NUP214: variants seen among roughly 807,000 people sequenced by gnomAD.
NUP214 encodes nucleoporin 214, also known as nuclear pore complex protein Nup214.
In NUP214, 79 loss-of-function variants were observed where a neutral mutation model predicts 196.2. That is an observed-to-expected ratio of 0.40 (90% CI 0.34 to 0.49). The LOEUF (loss-of-function observed/expected upper bound fraction) is 0.49. NUP214 is among the 20% of genes least tolerant of loss of function. The pLI is 0.58. For synonymous variants in NUP214, 1,020 were observed against 990.5 expected (o/e 1.03, Z -0.56); for missense variants, 2,468 against 2,539.0 (o/e 0.97, Z 0.60).
chr9:131,132,123 T>TC (rs1831568728), intron 5 of NUP214, among the ~76,000 whole-genome samples: 1 of 144,652 alleles, frequency 6.9e-6, no homozygotes, highest in South Asian at 2.2e-4. Flanking sequence ...TTCTTTCTTT[T>TC]TTTTTTTTTT....
intron 9 of NUP214, 28 bp downstream of exon 9, chr9:131,136,034 G>A (rs759976225): frequency 1.9e-6 from 3 of 1,547,832 alleles, no homozygotes; most frequent in African/African-American, 2.7e-5. Flanking sequence ...CACTTCTGTG[G>A]TGCTTTCTTT....
rs189970691 is a variant in NUP214 at position 131,181,681 on chromosome 9, T to C, written c.3419+3271T>C. On this transcript the variant is annotated intron_variant, in intron 24 of 35. Coordinates refer to ENST00000359428, the MANE Select transcript of NUP214 (RefSeq NM_005085.4). ...TGCTCCATTTTAAAATTAGGTTGTCTTTTTATTTTTGAGCTCTAAGTTTCT... is the reference window on the plus strand; with the variant it reads ...TGCTCCATTTTAAAATTAGGTTGTCCTTTTATTTTTGAGCTCTAAGTTTCT... Among the ~76,000 whole-genome samples the C allele has an allele frequency of 2.0e-3, 303 of 152,356 alleles. 1 individual carries two copies. The highest frequency in any genetic ancestry group is 6.7e-3 in the African/African-American group (277 of 41,574).
At position 131,132,608 on chromosome 9, in the gene NUP214, A is replaced by C; in HGVS notation, c.676A>C (p.Lys226Gln). The C allele has an allele frequency of 1.2e-6, 2 of 1,614,094 alleles. No homozygotes were observed. The highest frequency in any genetic ancestry group is 1.7e-6 in the Non-Finnish European group (2 of 1,179,962). Residue 226 changes from lysine (K) to glutamine (Q), a missense_variant, in exon 6 of 36, where the codon AAA becomes CAA. By Grantham distance (53) the Lys-to-Gln change is moderately conservative. Coordinates refer to ENST00000359428, the MANE Select transcript of NUP214 (RefSeq NM_005085.4). ...AAATCTCTTTCAGACTTTGCAGGAA[A>C]AAAAAGTCATTCCTTGTCCTCCGTT... is the stretch of plus-strand genomic sequence containing the variant. ...VVQYLPTLQEKKVIPCPPFYE... is the reference protein window; with the variant it reads ...VVQYLPTLQEQKVIPCPPFYE...
chr9:131,168,395 A>G (rs1194891860), intron 21 of NUP214, among the ~76,000 whole-genome samples: 2 of 152,214 alleles, frequency 1.3e-5, no homozygotes, highest in Non-Finnish European at 2.9e-5. Context: ...TATAAAACTC[A>G]CCTGCTGGTA....
intron 24 of NUP214, 25 bp from the exon 25 acceptor site, chr9:131,187,264 A>G (rs928206762): frequency 1.9e-6 from 3 of 1,601,646 alleles, no homozygotes; most frequent in Non-Finnish European, 2.6e-6. Context: ...CCTTTCTCTG[A>G]GTGTATGCTT....
intron 21 of NUP214, among the ~76,000 whole-genome samples, chr9:131,168,305 G>T (rs1832845328): frequency 2.0e-5 from 3 of 152,196 alleles, no homozygotes; most frequent in South Asian, 4.1e-4. Context: ...ATGAAAGTAG[G>T]TATGCACCTT....
chr9:131,150,689 C>G lies in NUP214; in HGVS notation c.2201C>G (p.Ser734Cys), dbSNP rs753957222. The change falls in exon 16 of 36, where the codon TCT (serine) becomes TGT (cysteine). Residue 734 changes from serine to cysteine, a missense_variant. Physicochemically the swap from Ser to Cys is moderately radical, Grantham distance 112. Around this residue, in one of 5 missense-constraint regions of NUP214, gnomAD observed 1,801 missense variants for 1,779.4 expected, o/e 1.01. Transcript: ENST00000359428. ...AAAGCCTGTTTCCAAGTGGGCACTT[C>G]TGAGGAGATGAAGATGCTGCGAACA... is the stretch of plus-strand genomic sequence containing the variant. ...TSKACFQVGTSEEMKMLRTES... is the reference protein window; with the variant it reads ...TSKACFQVGTCEEMKMLRTES... 6.2e-7 allele frequency: 1 copy of G among 1,614,060 alleles called. No individual in the cohort carries two copies. The highest frequency in any genetic ancestry group is 1.3e-5 in the African/African-American group (1 of 74,930).
rs753639158 is a variant in NUP214, at chr9:131,228,306, G to A, written c.6049G>A (p.Ala2017Thr). The change falls in exon 33 of 36, where the codon GCA (alanine) becomes ACA (threonine). Residue 2017 changes from alanine to threonine, a missense_variant. Physicochemically the swap from Ala to Thr is moderately conservative, Grantham distance 58. This residue lies in a region of NUP214 where 262 missense variants were observed against 296.5 expected (regional missense o/e 0.88). Transcript: ENST00000359428. ...AGGCAAAGTGTTCGGAGAGGGCACT[G>A]CAGCTGCCAGCGCAGGAGGATTCGG... The part of the protein sequence containing the change: ...TGGKVFGEGT[A>T]AASAGGFGFG... The A allele has an allele frequency of 1.0e-5, 16 of 1,596,632 alleles. No individual in the cohort carries two copies. Among genetic ancestry groups the A allele is most frequent in the Non-Finnish European group, 1.4e-5 (16 of 1,173,804 alleles).
At chr9:131,165,126 G>C (rs1214693291) in intron 21 of NUP214, 1 of 152,088 alleles carries the variant, frequency 6.6e-6, no homozygotes, top group Non-Finnish European at 1.5e-5. Flanking sequence ...AAAGTATAAA[G>C]GAGAATAAAA....
Position 131,232,637 on chromosome 9 carries a change from A to G in NUP214, c.6239+329A>G. On this transcript the variant is annotated intron_variant, in intron 35 of 35. Transcript: ENST00000359428. This position sits in a 1 kb window ranked among gnomAD's most constrained non-coding sequence, Gnocchi z 5.1. ...GGAGGTTTCTCAGAAGCTGCATGCT[A>G]ACCCCTGGGCTCTGGGCCATCACCA... 2 of 452,708 alleles carry G rather than the reference A, an allele frequency of 4.4e-6. No individual in the cohort carries two copies. Among genetic ancestry groups the G allele is most frequent in the East Asian group, 4.4e-5 (1 of 22,900 alleles). 28.0% of individuals were successfully genotyped at this position (452,708 alleles called of 1,614,324 possible). A position where few individuals can be genotyped will look rare whatever the true frequency, so the allele number is the denominator to read the frequency against.
At chr9:131,149,082 G>C (rs79584081) in intron 14 of NUP214, among the ~76,000 whole-genome samples, 2,447 of 152,036 alleles carry the variant, frequency 0.016, 32 homozygotes, top group Middle Eastern at 0.051. Context: ...AGTTTCCCAC[G>C]TGATTACTTG....
chr9:131,136,011 ATC>A lies in NUP214; in HGVS notation c.1005+9_1005+10del. The A allele has an allele frequency of 1.2e-6, 2 of 1,610,072 alleles. No individual in the cohort carries two copies. The highest frequency in any genetic ancestry group is 1.7e-6 in the Non-Finnish European group (2 of 1,176,594). On this transcript the variant is annotated splice_donor_region_variant and intron_variant, in intron 9 of 35. Transcript: ENST00000359428. ...CTTGCTCGACAAAGTGATCAGGTAA[ATC>A]TCTTTTTTGTCACTTCTGTGGTGCT...
In NUP214 at chr9:131,140,687, G is replaced by A. The variant is rs779194806; in HGVS notation, c.1271G>A (p.Gly424Glu). 3.1e-6 allele frequency: 5 copies of A among 1,613,830 alleles called. No homozygotes were observed. The highest frequency in any genetic ancestry group is 2.2e-5 in the East Asian group (1 of 44,886). ...ACACCAGAGCGACTTTCATTAGAAG[G>A]AGAGCGACAGCCCAAGTCACCAGGT... ...IKTPERLSLE[G>E]ERQPKSPGST... is the part of the protein sequence containing the mutation. The change falls in exon 11 of 36, where the codon GGA becomes GAA. Residue 424 changes from glycine to glutamate, a missense_variant. This residue lies in a region of NUP214 where 1,801 missense variants were observed against 1,779.4 expected (regional missense o/e 1.01). Coordinates refer to ENST00000359428, the MANE Select transcript of NUP214 (RefSeq NM_005085.4).
intron 21 of NUP214, among the ~76,000 whole-genome samples, chr9:131,169,031 TTTG>T (rs1181511213): frequency 1.8e-5 from 1 of 54,378 alleles, no homozygotes; most frequent in Admixed American, 3.3e-4. Flanking sequence ...TTTGTTTTTT[TTTG>T]TTTTTTTTTT....
chr9:131,187,460 C>T (rs1833486740), intron 25 of NUP214, 96 bp downstream of exon 25: 7 of 874,490 alleles, frequency 8.0e-6, no homozygotes, highest in Non-Finnish European at 1.2e-5. Context: ...GATCTTGGCT[C>T]ACCGCAACCT....
At chr9:131,127,193 G>A (rs1161672406) in intron 1 of NUP214, 2 of 169,484 alleles carry the variant, frequency 1.2e-5, no homozygotes, top group Non-Finnish European at 2.5e-5. Flanking sequence ...GACTAGCCTG[G>A]CCAACATAAT....
chr9:131,180,254 G>A (rs549104023), intron 24 of NUP214, among the ~76,000 whole-genome samples: 1 of 152,174 alleles, frequency 6.6e-6, no homozygotes, highest in Non-Finnish European at 1.5e-5. Flanking sequence ...CCAGCATGGT[G>A]CCTGAAATGT....
chr9:131,125,656 A>G lies in NUP214; in HGVS notation c.-49A>G, dbSNP rs1306425644. The G allele has an allele frequency of 1.9e-6, 3 of 1,543,116 alleles. No individual in the cohort carries two copies. The highest frequency in any genetic ancestry group is 2.6e-6 in the Non-Finnish European group (3 of 1,142,612). On this transcript the variant is annotated 5_prime_UTR_variant, in exon 1 of 36. Transcript: ENST00000359428. This position sits in a 1 kb window ranked among gnomAD's most constrained non-coding sequence, Gnocchi z 4.1. ...TCGAGCGGCCTGGGTTCCGTGGGCA[A>G]GGCCGTGGGAGGCAGCGTTGGCTGC...
At chr9:131,211,192 A>C (rs1834232335) in intron 30 of NUP214, among the ~76,000 whole-genome samples, 1 of 152,214 alleles carries the variant, frequency 6.6e-6, no homozygotes, top group Non-Finnish European at 1.5e-5. Context: ...AAAACGGTAT[A>C]ATTTCAGATA....
Sources: gnomAD v4.1 joint callset for allele counts (sites outside exome capture counted in the v4.1 genomes callset) on GRCh38, gnomAD v4.1.1 for gene constraint, gnomAD v4.1.1 regional missense constraint, Gnocchi (gnomAD v3.1) non-coding constraint, MANE v1.5 for transcripts, NCBI Gene and HGNC (gene_info 2026-07-23, HGNC 2026-07-21) for gene names.